MRI1: variants seen among roughly 807,000 people sequenced by gnomAD.
The protein encoded by MRI1 is methylthioribose-1-phosphate isomerase 1.
Under a neutral mutation model 27.3 loss-of-function variants are expected in MRI1, and 32 were observed. The observed-to-expected ratio is 1.17, with a 90% CI of 0.88 to 1.57. The LOEUF is 1.57. MRI1 is among the 40% of genes most tolerant of loss of function. The pLI is 0.00. For missense variants in MRI1, 508 were observed against 516.1 expected, an observed-to-expected ratio of 0.98 and a Z score of 0.15; for synonymous variants, 216 against 227.4, an observed-to-expected ratio of 0.95 and a Z score of 0.45.
At position 13,766,148 on chromosome 19, in the gene MRI1, G is replaced by A; in HGVS notation, c.547+19G>A. The A allele has an allele frequency of 1.3e-6, 2 of 1,507,698 alleles. No homozygotes were observed. The highest frequency in any genetic ancestry group is 1.8e-6 in the Non-Finnish European group (2 of 1,126,808). The allele number at this position is 1,507,698 out of a possible 1,614,324, so 93.4% of individuals were successfully genotyped here. A position where few individuals can be genotyped will look rare whatever the true frequency, so the allele number is the denominator to read the frequency against. On this transcript the variant is annotated intron_variant, in intron 3 of 5. Transcript: ENST00000040663. ...GCCCTAGGTGAGAGGGCCTCCTCAG[G>A]GGGTAGGGGAGGGCCTTCTAGGAAC...
At chr19:13,771,973 G>T (rs1488100106) in intron 5 of MRI1, 148 bp from the exon 6 acceptor site, 8 of 665,684 alleles carry the variant, frequency 1.2e-5, no homozygotes, top group Non-Finnish European at 2.6e-6. Context: ...CAATGTCCAT[G>T]CCTGCATGTA....
At position 13,773,630 on chromosome 19, in the gene MRI1, TTA is replaced by T. The variant is rs111958359; in HGVS notation, c.*1350_*1351del. On this transcript the variant is annotated 3_prime_UTR_variant, in exon 6 of 6. Transcript: ENST00000040663. ...AGCAACAGAGTGAGACCCCATCTCT[TTA>T]AAAAAAAAAAAAAATCCATGATGAA... is the stretch of plus-strand genomic sequence containing the variant. 0.31 allele frequency: 44,797 copies of T among 145,992 alleles called. 7,115 individuals carry two copies. The highest frequency in any genetic ancestry group is 0.43 in the South Asian group (2,011 of 4,668). The allele number at this position is 145,992 out of a possible 1,614,324, so 9.0% of individuals were successfully genotyped here.
rs781346344 is a variant in MRI1 at position 13,766,102 on chromosome 19, G to A, written c.520G>A (p.Ala174Thr). 1.3e-5 allele frequency: 21 copies of A among 1,601,498 alleles called. No homozygotes were observed. Among genetic ancestry groups the A allele is most frequent in the East Asian group, 4.5e-5 (2 of 44,568 alleles). ...VLTHCNTGAL[A>T]TAGYGTALGV... ...GACCCACTGTAACACTGGTGCTCTG[G>A]CCACCGCTGGCTATGGTACAGCCCT... Residue 174 changes from alanine (A) to threonine (T), a missense_variant, in exon 3 of 6, where the codon GCC becomes ACC. Coordinates refer to ENST00000040663, the MANE Select transcript of MRI1 (RefSeq NM_001031727.4).
chr19:13,769,423 C>G (rs1974223529), intron 5 of MRI1, among the ~76,000 whole-genome samples: 1 of 152,104 alleles, frequency 6.6e-6, no homozygotes, highest in Admixed American at 6.5e-5. Flanking sequence ...CTCTGCCTCC[C>G]AAAGCGCTAG....
In MRI1 at chr19:13,765,032, C is replaced by T. The variant is rs1343878455; in HGVS notation, c.294C>T (p.Arg98=). 5 of 1,524,996 alleles carry T rather than the reference C, an allele frequency of 3.3e-6. No homozygotes were observed. The highest frequency in any genetic ancestry group is 3.5e-6 in the Non-Finnish European group (4 of 1,141,338). The allele number at this position is 1,524,996 out of a possible 1,614,324, so 94.5% of individuals were successfully genotyped here. A position where few individuals can be genotyped will look rare whatever the true frequency, so the allele number is the denominator to read the frequency against. Residue 98 remains arginine, a synonymous_variant, in exon 2 of 6, where the codon CGC becomes CGT. Coordinates refer to ENST00000040663, the MANE Select transcript of MRI1 (RefSeq NM_001031727.4). ...GGCCCACCGCTGTCAACATGGCCCG[C>T]GCCGCCCGCGACCTGGCTGATGTTG... is the stretch of plus-strand genomic sequence containing the variant. ...TARPTAVNMA[R]AARDLADVAA...
At position 13,768,551 on chromosome 19, in the gene MRI1, G is replaced by A. The variant is rs1026481351; in HGVS notation, c.548-10G>A. 6.3e-7 allele frequency: 1 copy of A among 1,598,276 alleles called. No individual in the cohort carries two copies. The highest frequency in any genetic ancestry group is 2.3e-5 in the East Asian group (1 of 44,178). ...CCGGGGCCTTCTCCTGGTGGGTGGG[G>A]CCCCCGCAGGTGTGATTCGCTCACT... On this transcript the variant is annotated splice_polypyrimidine_tract_variant and intron_variant, in intron 3 of 5. Transcript: ENST00000040663.
intron 5 of MRI1, among the ~76,000 whole-genome samples, chr19:13,769,326 G>A (rs112649224): frequency 0.035 from 5,306 of 152,160 alleles, 326 homozygotes; most frequent in African/African-American, 0.12. Flanking sequence ...ACCACGCCTG[G>A]CTAATTTTTG....
At position 13,764,656 on chromosome 19, in the gene MRI1, A is replaced by G. The variant is rs963215189; in HGVS notation, c.68A>G (p.Lys23Arg). The change falls in exon 1 of 6, where the codon AAG becomes AGG. Residue 23 changes from lysine to arginine, a missense_variant. By Grantham distance (26) the Lys-to-Arg change is conservative. Around this residue, in one of 3 missense-constraint regions of MRI1, gnomAD observed 19 missense variants for 43.0 expected, o/e 0.44. Transcript: ENST00000040663. ...ATCCTAGACCAGCTGCTGCTGCCCA[A>G]GCAGAGCCGCTACGAGGCGGTGGGC... ...LQILDQLLLP[K>R]QSRYEAVGSV... 4.4e-6 allele frequency: 7 copies of G among 1,604,058 alleles called. No individual in the cohort carries two copies. The Admixed American group carries it at 5.0e-5, about 12-fold the overall frequency.
intron 3 of MRI1, chr19:13,768,326 G>A: frequency 9.5e-7 from 1 of 1,051,842 alleles, no homozygotes; most frequent in Non-Finnish European, 1.4e-6. Flanking sequence ...ATATATCAGG[G>A]AAGGCTTCAC....
chr19:13,770,422 T>TA (rs1352306072), intron 5 of MRI1, among the ~76,000 whole-genome samples: 1 of 151,534 alleles, frequency 6.6e-6, no homozygotes, highest in Non-Finnish European at 1.5e-5. Context: ...ACGTCTCTAC[T>TA]AAAAAAATAT....
chr19:13,766,265 T>C (rs781566055), intron 3 of MRI1, 136 bp downstream of exon 3: 177 of 740,588 alleles, frequency 2.4e-4, no homozygotes, highest in Middle Eastern at 1.3e-3. Context: ...GAAACACTTA[T>C]ACAGTTGGCT....
chr19:13,768,434 C>T (rs750287203), intron 3 of MRI1, 127 bp from the exon 4 acceptor site: 20 of 1,555,146 alleles, frequency 1.3e-5, no homozygotes, highest in East Asian at 2.4e-5. Context: ...GGCCCCTGGG[C>T]GGGACTGTGC....
In MRI1 at chr19:13,773,445, A is replaced by T. The variant is rs3179532; in HGVS notation, c.*1164A>T. 6.6e-6 allele frequency: 1 copy of T among 152,080 alleles called. No individual in the cohort carries two copies. The highest frequency in any genetic ancestry group is 1.5e-5 in the Non-Finnish European group (1 of 68,024). The allele number at this position is 152,080 out of a possible 1,614,324, so 9.4% of individuals were successfully genotyped here. A position where few individuals can be genotyped will look rare whatever the true frequency, so the allele number is the denominator to read the frequency against. Reference sequence around the variant, plus strand: ...TGTTTGAGACCAGTTTGGGTAACATAGGAAGAGCTTGTCTCTACAAACAAA... The same window carrying T: ...TGTTTGAGACCAGTTTGGGTAACATTGGAAGAGCTTGTCTCTACAAACAAA... On this transcript the variant is annotated 3_prime_UTR_variant, in exon 6 of 6. Transcript: ENST00000040663.
rs749752463 is a variant in MRI1, at chr19:13,768,448, GT to G, written c.548-112del. On this transcript the variant is annotated intron_variant, in intron 3 of 5. Transcript: ENST00000040663. ...GGGCCCCTGGGCGGGACTGTGCTCG[GT>G]AAGCCTTTGGCAATCCACGCCCAGA... The G allele has an allele frequency of 6.4e-6, 10 of 1,564,196 alleles. No homozygotes were observed. The South Asian group carries it at 1.2e-4, about 18-fold the overall frequency.
intron 3 of MRI1, 73 bp from the exon 4 acceptor site, chr19:13,768,488 C>T (rs1280313718): frequency 1.3e-6 from 2 of 1,590,724 alleles, no homozygotes; most frequent in Non-Finnish European, 8.6e-7. Context: ...GGAGCCTGCA[C>T]CCCTAACCAA....
intron 3 of MRI1, 161 bp from the exon 4 acceptor site, chr19:13,768,400 G>T: frequency 6.5e-7 from 1 of 1,541,976 alleles, no homozygotes; most frequent in Non-Finnish European, 8.8e-7. Flanking sequence ...GAGCATACCA[G>T]GCAGAGGGAA....
At chr19:13,771,715 G>A (rs1237880150) in intron 5 of MRI1, among the ~76,000 whole-genome samples, 2 of 151,978 alleles carry the variant, frequency 1.3e-5, no homozygotes, top group Non-Finnish European at 2.9e-5. Context: ...TACTGGCTGG[G>A]CATGGTGGTG....
At chr19:13,767,971 C>G (rs1974178196) in intron 3 of MRI1, among the ~76,000 whole-genome samples, 1 of 148,138 alleles carries the variant, frequency 6.8e-6, no homozygotes, top group African/African-American at 2.5e-5. Flanking sequence ...CAGGTTCACG[C>G]CATTCTCCTG....
At chr19:13,770,490 G>A (rs1974246987) in intron 5 of MRI1, among the ~76,000 whole-genome samples, 1 of 152,098 alleles carries the variant, frequency 6.6e-6, no homozygotes, top group Non-Finnish European at 1.5e-5. Flanking sequence ...GGGAAGCTGA[G>A]GCATGAGAAT....
Sources: gnomAD v4.1 joint callset for allele counts (sites outside exome capture counted in the v4.1 genomes callset) on GRCh38, gnomAD v4.1.1 for gene constraint, gnomAD v4.1.1 regional missense constraint, MANE v1.5 for transcripts, NCBI Gene and HGNC (gene_info 2026-07-23, HGNC 2026-07-21) for gene names.